SDK1: variants seen among roughly 807,000 people sequenced by gnomAD.
SDK1 encodes the protein protein sidekick-1.
In SDK1, 157 loss-of-function variants were observed where a neutral mutation model predicts 245.5. That is an observed-to-expected ratio of 0.64 (90% confidence interval 0.56 to 0.73). SDK1 has a LOEUF of 0.73. Ranked by LOEUF, SDK1 falls within the 30% of genes least tolerant of loss-of-function variation. SDK1 has a pLI of 0.00. For missense variants in SDK1, 3,583 were observed against 3,002.3 expected, an observed-to-expected ratio of 1.19 and a Z score of -4.52; for synonymous variants, 1,647 against 1,278.5, an observed-to-expected ratio of 1.29 and a Z score of -6.15.
intron 19 of SDK1, among the ~76,000 whole-genome samples, chr7:4,055,085 G>A (rs1298696493): frequency 6.6e-6 from 1 of 152,164 alleles, no homozygotes; most frequent in Admixed American, 6.5e-5. Flanking sequence ...TTTGTCTGGT[G>A]TTGGTATCAG....
intron 4 of SDK1, among the ~76,000 whole-genome samples, chr7:3,722,026 C>A (rs985799359): frequency 1.3e-5 from 2 of 152,074 alleles, no homozygotes; most frequent in Non-Finnish European, 2.9e-5. Context: ...GCAGCCTTGA[C>A]CTCTTGTTTT....
At chr7:3,536,295 T>C (rs1199923620) in intron 1 of SDK1, among the ~76,000 whole-genome samples, 1 of 151,966 alleles carries the variant, frequency 6.6e-6, no homozygotes, top group African/African-American at 2.4e-5. Context: ...CTCGATCTCC[T>C]GACCTTGTGA....
At chr7:3,445,010 C>A (rs551581833) in intron 1 of SDK1, among the ~76,000 whole-genome samples, 1 of 152,144 alleles carries the variant, frequency 6.6e-6, no homozygotes, top group Admixed American at 6.5e-5. Context: ...CCAGCAGAGT[C>A]AGTAGGCATA....
intron 4 of SDK1, among the ~76,000 whole-genome samples, chr7:3,796,526 C>A (rs542024107): frequency 1.1e-4 from 17 of 152,134 alleles, no homozygotes; most frequent in East Asian, 3.9e-4. Flanking sequence ...CTCTCCCCCC[C>A]AGCCTACAAT....
intron 1 of SDK1, among the ~76,000 whole-genome samples, chr7:3,439,415 C>G (rs575779974): frequency 1.2e-4 from 18 of 152,290 alleles, no homozygotes; most frequent in Non-Finnish European, 2.4e-4. Context: ...TTACAAGCCT[C>G]TAGAGCACTA....
At chr7:4,178,636 G>A (rs772447265) in intron 35 of SDK1, 50 bp downstream of exon 35, 10 of 1,370,844 alleles carry the variant, frequency 7.3e-6, no homozygotes, top group Non-Finnish European at 1.0e-5. Flanking sequence ...CCACAGTGGT[G>A]GGGACAGCCA....
intron 5 of SDK1, among the ~76,000 whole-genome samples, chr7:3,885,380 A>T (rs1012875059): frequency 1.3e-5 from 2 of 152,190 alleles, no homozygotes; most frequent in African/African-American, 4.8e-5. Context: ...CCTATGACAC[A>T]CACTCATCAC....
intron 19 of SDK1, among the ~76,000 whole-genome samples, chr7:4,058,569 G>C (rs1459782028): frequency 1.3e-5 from 2 of 152,168 alleles, no homozygotes; most frequent in Non-Finnish European, 2.9e-5. Flanking sequence ...ATTATCAAAA[G>C]TTGAAGACAG....
intron 5 of SDK1, among the ~76,000 whole-genome samples, chr7:3,920,285 C>T (rs1779541130): frequency 6.6e-6 from 1 of 152,126 alleles, no homozygotes; most frequent in Non-Finnish European, 1.5e-5. Flanking sequence ...GCACAGGCTG[C>T]AGCATGTAGA....
intron 4 of SDK1, among the ~76,000 whole-genome samples, chr7:3,657,825 A>G (rs1221149513): frequency 6.6e-6 from 1 of 152,198 alleles, no homozygotes; most frequent in Non-Finnish European, 1.5e-5. Context: ...GTCTTATCAC[A>G]CCAATTTTGT....
chr7:4,036,556 A>G (rs1359045335), intron 17 of SDK1, among the ~76,000 whole-genome samples: 1 of 152,270 alleles, frequency 6.6e-6, no homozygotes, highest in East Asian at 1.9e-4. Flanking sequence ...GAATCCATAC[A>G]TTTTACACGT....
intron 5 of SDK1, among the ~76,000 whole-genome samples, chr7:3,948,551 C>T (rs886508872): frequency 1.3e-5 from 2 of 152,190 alleles, no homozygotes; most frequent in Non-Finnish European, 2.9e-5. Context: ...CGTGAGCCAC[C>T]GCGCCCGGCC....
At chr7:3,652,557 C>G (rs546709714) in intron 4 of SDK1, among the ~76,000 whole-genome samples, 51 of 152,292 alleles carry the variant, frequency 3.3e-4, no homozygotes, top group Admixed American at 6.5e-4. Context: ...TTTTTATTTT[C>G]TCTATGAATA....
intron 7 of SDK1, among the ~76,000 whole-genome samples, chr7:3,956,815 C>T (rs907292984): frequency 2.6e-5 from 4 of 152,120 alleles, no homozygotes; most frequent in African/African-American, 9.7e-5. Flanking sequence ...GCCTGGAGGT[C>T]CCCAGAGCCA....
At chr7:4,226,312 G>A (rs1003789596) in intron 40 of SDK1, among the ~76,000 whole-genome samples, 3 of 152,106 alleles carry the variant, frequency 2.0e-5, no homozygotes, top group Non-Finnish European at 2.9e-5. Context: ...CCACGTGGTC[G>A]GCTCGGCCTG....
chr7:3,634,802 C>G (rs956449771), intron 2 of SDK1, among the ~76,000 whole-genome samples: 1 of 152,152 alleles, frequency 6.6e-6, no homozygotes, highest in Non-Finnish European at 1.5e-5. Flanking sequence ...ACAGCATATG[C>G]TTAATATTCA....
intron 5 of SDK1, among the ~76,000 whole-genome samples, chr7:3,932,893 G>A (rs1780028618): frequency 6.6e-6 from 1 of 152,174 alleles, no homozygotes; most frequent in African/African-American, 2.4e-5. Context: ...TGTGTGTTCA[G>A]ATAGGGTGTG....
chr7:3,752,395 C>T (rs567084053), intron 4 of SDK1, among the ~76,000 whole-genome samples: 7 of 152,212 alleles, frequency 4.6e-5, no homozygotes, highest in South Asian at 2.1e-4. Flanking sequence ...GAGCTTAATA[C>T]TTTTAATGCC....
chr7:3,605,145 A>ACACACAC (rs1781380235), intron 1 of SDK1, among the ~76,000 whole-genome samples: 1 of 147,316 alleles, frequency 6.8e-6, no homozygotes, highest in Non-Finnish European at 1.5e-5. Context: ...AAAAACAAGA[A>ACACACAC]ACACACACAC....
Sources: gnomAD v4.1 joint callset for allele counts (sites outside exome capture counted in the v4.1 genomes callset) on GRCh38, gnomAD v4.1.1 for gene constraint, MANE v1.5 for transcripts, NCBI Gene and HGNC (gene_info 2026-07-23, HGNC 2026-07-21) for gene names.